The following ABCB1 variants were observed in gnomAD, a reference collection of about 807,000 sequenced individuals.
ABCB1 encodes ATP-dependent translocase ABCB1.
A neutral mutation model predicts 142.0 loss-of-function variants in ABCB1; 69 were observed. The ratio of observed to expected loss-of-function variants is 0.49; its 90% CI spans 0.40 to 0.59. The LOEUF is 0.59. Among genes scored for constraint, ABCB1 ranks in the 20% least tolerant of loss-of-function variants. ABCB1 has a pLI of 0.00. For synonymous variants in ABCB1, 532 were observed against 539.2 expected (o/e 0.99, Z 0.18); for missense variants, 1,326 against 1,554.7 (o/e 0.85, Z 2.47).
chr7:87,515,469 A>G (rs965565050), intron 24 of ABCB1, 41 bp from the exon 25 acceptor site: 3 of 1,584,076 alleles, frequency 1.9e-6, no homozygotes, highest in African/African-American at 2.7e-5. Context: ...ATGCTGCAAT[A>G]CTGAAAATAA....
At chr7:87,626,754 TATATATGTCATATATATGTCAG>T (rs1563082046) in intron 1 of ABCB1, among the ~76,000 whole-genome samples, 7 of 48,880 alleles carry the variant, frequency 1.4e-4, no homozygotes, top group East Asian at 8.1e-4. Flanking sequence ...ATATATGTCA[TATATATGTCATATATATGTCAG>T]AGAGAGAGAG....
intron 1 of ABCB1, among the ~76,000 whole-genome samples, chr7:87,610,031 A>T (rs1819794231): frequency 6.6e-6 from 1 of 152,156 alleles, no homozygotes; most frequent in Non-Finnish European, 1.5e-5. Context: ...TTTTCTTGAG[A>T]CACAGATGAA....
At chr7:87,606,758 G>T (rs1054823600) in intron 1 of ABCB1, among the ~76,000 whole-genome samples, 3 of 151,956 alleles carry the variant, frequency 2.0e-5, no homozygotes, top group African/African-American at 7.2e-5. Context: ...ATGAAAGTTA[G>T]GTCTGAGTTT....
intron 1 of ABCB1, among the ~76,000 whole-genome samples, chr7:87,639,008 C>G (rs1378691333): frequency 1.3e-5 from 2 of 151,926 alleles, no homozygotes; most frequent in Admixed American, 6.6e-5. Flanking sequence ...AAAAATTAGC[C>G]AGGCGTGATG....
chr7:87,650,873 T>C (rs780988022), intron 1 of ABCB1: 2 of 1,613,332 alleles, frequency 1.2e-6, no homozygotes, highest in Non-Finnish European at 1.7e-6. Context: ...CAATTGATGA[T>C]TCTTCTCCTG....
At chr7:87,565,659 A>G (rs1016311313) in intron 7 of ABCB1, among the ~76,000 whole-genome samples, 2 of 152,202 alleles carry the variant, frequency 1.3e-5, no homozygotes, top group Non-Finnish European at 2.9e-5. Context: ...ATGTTAATTG[A>G]ATGGGACATC....
chr7:87,506,773 T>C (rs1036503956), intron 26 of ABCB1, among the ~76,000 whole-genome samples: 1 of 152,220 alleles, frequency 6.6e-6, no homozygotes, highest in Admixed American at 6.5e-5. Context: ...CAATACTATC[T>C]TATTATTTCC....
chr7:87,628,154 G>GCCCCGCATCCCACAAT (rs1308755597), intron 1 of ABCB1, among the ~76,000 whole-genome samples: 2 of 152,186 alleles, frequency 1.3e-5, no homozygotes, highest in African/African-American at 4.8e-5. Flanking sequence ...GCGCTGTGGG[G>GCCCCGCATCCCACAAT]CCCCGCATCC....
At chr7:87,656,084 G>C (rs1046101107) in intron 1 of ABCB1, among the ~76,000 whole-genome samples, 5 of 151,996 alleles carry the variant, frequency 3.3e-5, no homozygotes, top group Non-Finnish European at 5.9e-5. Context: ...ATAAATTTCA[G>C]TTATCTATAA....
chr7:87,569,307 T>C (rs571323092), intron 5 of ABCB1, among the ~76,000 whole-genome samples: 15 of 135,916 alleles, frequency 1.1e-4, no homozygotes, highest in African/African-American at 4.2e-4. Context: ...CACTCCAGCC[T>C]GGGGGACAGA....
chr7:87,544,775 G>T (rs777706866), intron 16 of ABCB1, 48 bp downstream of exon 16: 2 of 1,603,792 alleles, frequency 1.2e-6, no homozygotes, highest in South Asian at 1.1e-5. Context: ...CCAAACTAGG[G>T]AACCACAGTT....
chr7:87,656,371 AG>A (rs1824106979), intron 1 of ABCB1, among the ~76,000 whole-genome samples: 1 of 152,144 alleles, frequency 6.6e-6, no homozygotes, highest in Non-Finnish European at 1.5e-5. Flanking sequence ...ATGCATTAGT[AG>A]TATTAAGAAA....
In ABCB1 at chr7:87,509,256, T is replaced by C; in HGVS notation, c.3489+19A>G. 6.2e-7 allele frequency: 1 copy of C among 1,613,586 alleles called. No individual in the cohort carries two copies. The highest frequency in any genetic ancestry group is 1.1e-5 in the South Asian group (1 of 91,064). On this transcript the variant is annotated intron_variant, in intron 26 of 27. Coordinates refer to ENST00000622132, the MANE Select transcript of ABCB1 (RefSeq NM_001348946.2). ...GGCTGCCACATGCTCCCAGGCTGTT[T>C]ATTTGAAGAGAGACTTACATTAGGC...
intron 21 of ABCB1, among the ~76,000 whole-genome samples, chr7:87,530,100 C>A (rs184295052): frequency 6.6e-6 from 1 of 152,298 alleles, no homozygotes; most frequent in Non-Finnish European, 1.5e-5. Context: ...TGGCAATGAC[C>A]AACATCTGGG....
intron 1 of ABCB1, among the ~76,000 whole-genome samples, chr7:87,617,235 T>C (rs1397398149): frequency 1.3e-5 from 2 of 152,224 alleles, no homozygotes; most frequent in East Asian, 1.9e-4. Context: ...AATCTTATAC[T>C]CAGATATTCC....
intron 21 of ABCB1, among the ~76,000 whole-genome samples, chr7:87,526,499 A>C (rs1007261004): frequency 2.6e-5 from 4 of 151,832 alleles, no homozygotes; most frequent in African/African-American, 7.3e-5. Context: ...CAGGCAACAC[A>C]GTGAGACCTC....
chr7:87,553,378 T>C (rs1316755929), intron 9 of ABCB1, among the ~76,000 whole-genome samples: 1 of 146,880 alleles, frequency 6.8e-6, no homozygotes, highest in Non-Finnish European at 1.5e-5. Flanking sequence ...TGCGGTGCAG[T>C]GGCGCAATCT....
intron 4 of ABCB1, among the ~76,000 whole-genome samples, chr7:87,577,921 T>C (rs778961274): frequency 1.3e-5 from 2 of 152,238 alleles, no homozygotes; most frequent in Non-Finnish European, 2.9e-5. Context: ...GTTTTTAACT[T>C]GATGTGATCC....
intron 1 of ABCB1, among the ~76,000 whole-genome samples, chr7:87,672,546 G>A (rs1423382718): frequency 1.3e-5 from 2 of 152,192 alleles, no homozygotes; most frequent in Non-Finnish European, 1.5e-5. Context: ...CAAGGGGTAT[G>A]TACAGGGGTC....
Sources: allele counts gnomAD v4.1 joint callset (sites outside exome capture counted in the v4.1 genomes callset), GRCh38; gene constraint gnomAD v4.1.1; transcripts MANE v1.5; gene names NCBI Gene and HGNC (gene_info 2026-07-23, HGNC 2026-07-21).